Variants in LRRC1 observed in about 807,000 individuals in gnomAD.
LRRC1 encodes leucine-rich repeat-containing protein 1.
A neutral mutation model predicts 69.9 loss-of-function variants in LRRC1; 28 were observed. The ratio of observed to expected loss-of-function variants is 0.40; its 90% CI spans 0.30 to 0.55. The LOEUF (loss-of-function observed/expected upper bound fraction) is 0.55. Among genes scored for constraint, LRRC1 ranks in the 20% least tolerant of loss-of-function variants. The probability of loss-of-function intolerance (pLI) is 0.47; values close to 1 mark genes in which losing one functional copy is unlikely to be tolerated. For synonymous variants in LRRC1, 236 were observed against 240.2 expected (o/e 0.98, Z 0.16); for missense variants, 498 against 609.0 (o/e 0.82, Z 1.92).
At chr6:53,849,054 G>T (rs1171883824) in intron 2 of LRRC1, among the ~76,000 whole-genome samples, 2 of 139,070 alleles carry the variant, frequency 1.4e-5, no homozygotes, top group Non-Finnish European at 3.0e-5. Context: ...ACTGCGCCCG[G>T]CCTATGCTTT....
rs770170332 is a variant in LRRC1, at chr6:53,896,573, TAAG to T, written c.503+21_503+23del. On this transcript the variant is annotated intron_variant, in intron 5 of 13. Coordinates refer to ENST00000370888, the MANE Select transcript of LRRC1 (RefSeq NM_018214.5). ...TTCCTGAGTGAGTCTTTGGGGAAAA[TAAG>T]AGGAGATTTTGTGCAGAATGAATTT... is the stretch of plus-strand genomic sequence containing the variant. 1.3e-6 allele frequency: 2 copies of T among 1,593,460 alleles called. No homozygotes were observed. The highest frequency in any genetic ancestry group is 3.3e-5 in the Admixed American group (2 of 59,842).
At chr6:53,801,280 GTC>G (rs1216734783) in intron 1 of LRRC1, among the ~76,000 whole-genome samples, 2 of 152,190 alleles carry the variant, frequency 1.3e-5, no homozygotes, top group African/African-American at 2.4e-5. Flanking sequence ...GCCATACAGT[GTC>G]TGCAAAATTG....
intron 4 of LRRC1, among the ~76,000 whole-genome samples, chr6:53,884,507 C>T (rs949799036): frequency 6.6e-6 from 1 of 152,022 alleles, no homozygotes; most frequent in Admixed American, 6.6e-5. Flanking sequence ...ACCCCATCCC[C>T]GCTTTGCCCC....
intron 1 of LRRC1, among the ~76,000 whole-genome samples, chr6:53,821,898 T>G (rs1202232871): frequency 6.6e-6 from 1 of 150,526 alleles, no homozygotes; most frequent in African/African-American, 2.4e-5. Context: ...TTTTTTTTCC[T>G]TTTCTGTTTG....
intron 1 of LRRC1, among the ~76,000 whole-genome samples, chr6:53,815,831 T>C (rs1434004301): frequency 1.3e-5 from 2 of 152,230 alleles, no homozygotes; most frequent in Admixed American, 1.3e-4. Context: ...GGCAGGCCGG[T>C]TTTTAAAAAT....
At position 53,817,359 on chromosome 6, in the gene LRRC1, G is replaced by A. The variant is rs191519070; in HGVS notation, c.159+21944G>A. 2.6e-5 allele frequency among the ~76,000 whole-genome samples: 4 copies of A among 152,154 alleles called. No homozygotes were observed. The East Asian group carries it at 7.7e-4, about 29-fold the overall frequency. On this transcript the variant is annotated intron_variant, in intron 1 of 13. Transcript: ENST00000370888. Reference sequence around the variant, plus strand: ...ATATATTTGTGGGGTACAAAGTGATGTTATGATTTTTTAATATAATGTGAA... The same window carrying A: ...ATATATTTGTGGGGTACAAAGTGATATTATGATTTTTTAATATAATGTGAA...
chr6:53,869,522 T>TCCA (rs1181449460), intron 2 of LRRC1, among the ~76,000 whole-genome samples: 1 of 152,230 alleles, frequency 6.6e-6, no homozygotes, highest in Non-Finnish European at 1.5e-5. Context: ...TAAGCGGTTT[T>TCCA]CTTAGTGGTA....
At chr6:53,840,829 A>AT (rs1765756538) in intron 1 of LRRC1, among the ~76,000 whole-genome samples, 1 of 119,860 alleles carries the variant, frequency 8.3e-6, no homozygotes, top group Non-Finnish European at 1.7e-5. Context: ...TTGAGGAATT[A>AT]TTTTTTCTGC....
chr6:53,895,822 T>G (rs1376560012), intron 4 of LRRC1, among the ~76,000 whole-genome samples: 1 of 152,236 alleles, frequency 6.6e-6, no homozygotes, highest in Non-Finnish European at 1.5e-5. Context: ...GAAGAGAGCC[T>G]CATTCTAGGG....
intron 7 of LRRC1, among the ~76,000 whole-genome samples, chr6:53,897,820 A>G (rs1291979500): frequency 6.6e-6 from 1 of 152,220 alleles, no homozygotes; most frequent in Non-Finnish European, 1.5e-5. Flanking sequence ...CTTATGGTTT[A>G]GCTGGCATGT....
chr6:53,804,454 A>T (rs1764580801), intron 1 of LRRC1, among the ~76,000 whole-genome samples: 2 of 152,166 alleles, frequency 1.3e-5, no homozygotes, highest in Non-Finnish European at 2.9e-5. Flanking sequence ...TTATATCACC[A>T]TGTATTTGTT....
At chr6:53,843,618 C>T (rs923220501) in intron 2 of LRRC1, among the ~76,000 whole-genome samples, 35 of 152,018 alleles carry the variant, frequency 2.3e-4, no homozygotes, top group African/African-American at 7.7e-4. Context: ...CTTATTTGGT[C>T]GCAGGGAACC....
At chr6:53,918,652 A>G (rs1768644838) in intron 11 of LRRC1, among the ~76,000 whole-genome samples, 1 of 152,186 alleles carries the variant, frequency 6.6e-6, no homozygotes, top group South Asian at 2.1e-4. Context: ...GTATAAGTAG[A>G]TTTCCTGCTA....
At chr6:53,836,253 A>G (rs3001008) in intron 1 of LRRC1, among the ~76,000 whole-genome samples, 35,378 of 152,128 alleles carry the variant, frequency 0.23, 4,320 homozygotes, top group East Asian at 0.26. Flanking sequence ...GCAGCAGCGG[A>G]ATTACCTAAC....
At chr6:53,865,578 T>G (rs181373792) in intron 2 of LRRC1, among the ~76,000 whole-genome samples, 1 of 152,078 alleles carries the variant, frequency 6.6e-6, no homozygotes, top group Admixed American at 6.5e-5. Context: ...TATGCCATAT[T>G]ATTTTTTGTT....
chr6:53,907,529 A>G (rs1409327855), intron 10 of LRRC1, among the ~76,000 whole-genome samples: 1 of 152,186 alleles, frequency 6.6e-6, no homozygotes, highest in African/African-American at 2.4e-5. Context: ...AAACATTTGC[A>G]AATCAATGAA....
chr6:53,905,711 G>A lies in LRRC1; in HGVS notation c.990+1249G>A, dbSNP rs184228624. ...CTTTCCTTTCCTCATCTTGGTGTTCGGCCCACAGTGTCCCAGTCTTCTCCC... is the reference window on the plus strand; with the variant it reads ...CTTTCCTTTCCTCATCTTGGTGTTCAGCCCACAGTGTCCCAGTCTTCTCCC... On this transcript the variant is annotated intron_variant, in intron 10 of 13. Transcript: ENST00000370888. Among the ~76,000 whole-genome samples, 30 of 152,142 alleles carry A rather than the reference G, an allele frequency of 2.0e-4. No individual in the cohort carries two copies. In the East Asian group the frequency reaches 5.2e-3, roughly 26 times the overall value.
chr6:53,920,772 G>A lies in LRRC1; in HGVS notation c.1416+11G>A. The A allele has an allele frequency of 6.8e-6, 11 of 1,614,082 alleles. No individual in the cohort carries two copies. Among genetic ancestry groups the A allele is most frequent in the African/African-American group, 1.3e-5 (1 of 75,062 alleles). On this transcript the variant is annotated intron_variant, in intron 13 of 13. Transcript: ENST00000370888. Reference sequence around the variant, plus strand: ...GAAGACAATGAGACGGTATGGAAATGCAGATTCTTTGCCTCTGTGGAAGTT... The same window carrying A: ...GAAGACAATGAGACGGTATGGAAATACAGATTCTTTGCCTCTGTGGAAGTT...
At chr6:53,896,595 T>C (rs763513768) in intron 5 of LRRC1, 41 bp downstream of exon 5, 2 of 1,541,176 alleles carry the variant, frequency 1.3e-6, no homozygotes, top group South Asian at 2.2e-5. Context: ...TTGTGCAGAA[T>C]GAATTTAAGT....
Sources: allele counts gnomAD v4.1 joint callset (sites outside exome capture counted in the v4.1 genomes callset), GRCh38; gene constraint gnomAD v4.1.1; transcripts MANE v1.5; gene names NCBI Gene and HGNC (gene_info 2026-07-23, HGNC 2026-07-21).